Variants in NAAA observed in about 807,000 individuals in gnomAD.
NAAA encodes the protein N-acylethanolamine-hydrolyzing acid amidase.
NAAA carries 39 observed loss-of-function variants against 44.8 expected under a neutral mutation model. The observed-to-expected ratio is 0.87, with a 90% confidence interval of 0.67 to 1.14. The LOEUF is 1.14. Ranked by LOEUF, NAAA falls within the 50% of genes most tolerant of loss-of-function variation. NAAA has a pLI of 0.00. For missense variants in NAAA, 460 were observed against 467.8 expected (o/e 0.98, Z 0.15); for synonymous variants, 178 against 191.3 (o/e 0.93, Z 0.58).
chr4:75,915,066 C>A, intron 9 of NAAA, 81 bp from the exon 10 acceptor site: 1 of 1,041,854 alleles, frequency 9.6e-7, no homozygotes, highest in Non-Finnish European at 1.5e-6. Flanking sequence ...AAGTGCTTCC[C>A]TAACACTTGA....
chr4:75,915,716 A>G (rs1468942828), intron 9 of NAAA, among the ~76,000 whole-genome samples: 1 of 152,154 alleles, frequency 6.6e-6, no homozygotes, highest in Non-Finnish European at 1.5e-5. Flanking sequence ...TATCACAACT[A>G]GAGGAATTCC....
Position 75,921,223 on chromosome 4 carries a change from T to C in NAAA, c.667-100A>G, listed in dbSNP as rs541957060. Reference sequence around the variant, plus strand: ...CAAAGCACATTCTCCTGATATGTTATGTCATGACTATCACCTTGATCTGCT... The same window carrying C: ...CAAAGCACATTCTCCTGATATGTTACGTCATGACTATCACCTTGATCTGCT... On this transcript the variant is annotated intron_variant, in intron 5 of 10. Coordinates refer to ENST00000286733, the MANE Select transcript of NAAA (RefSeq NM_014435.4). The C allele has an allele frequency of 1.3e-4, 144 of 1,103,126 alleles. 1 individual carries two copies. In the South Asian group the frequency reaches 2.2e-3, roughly 17 times the overall value. 68.3% of individuals were successfully genotyped at this position (1,103,126 alleles called of 1,614,324 possible).
At chr4:75,925,613 GA>G in intron 5 of NAAA, 121 bp downstream of exon 5, 3 of 876,172 alleles carry the variant, frequency 3.4e-6, no homozygotes, top group Non-Finnish European at 5.5e-6. Context: ...GCACTTTGCA[GA>G]CATTTAGATG....
At chr4:75,924,348 T>C (rs979739166) in intron 5 of NAAA, among the ~76,000 whole-genome samples, 12 of 152,238 alleles carry the variant, frequency 7.9e-5, no homozygotes, top group African/African-American at 2.9e-4. Context: ...AGCACTGAGA[T>C]GCGTAACAGT....
rs767482121 is a variant in NAAA, at chr4:75,940,180, C to A, written c.207-15G>T. 1.4e-5 allele frequency: 22 copies of A among 1,610,380 alleles called. No homozygotes were observed. The Middle Eastern group carries it at 5.0e-4, about 36-fold the overall frequency. On this transcript the variant is annotated splice_polypyrimidine_tract_variant and intron_variant, in intron 1 of 10. Coordinates refer to ENST00000286733, the MANE Select transcript of NAAA (RefSeq NM_014435.4). Reference sequence around the variant, plus strand: ...GGACTCTGTCCCTAGAAACAAAAAGCACAAGGGCGTCTGACCCGCTCAGAG... The same window carrying A: ...GGACTCTGTCCCTAGAAACAAAAAGAACAAGGGCGTCTGACCCGCTCAGAG...
chr4:75,913,580 A>C, downstream of NAAA: 1 of 692,000 alleles, frequency 1.4e-6, no homozygotes, highest in Non-Finnish European at 1.8e-6. Context: ...ATCACAACTA[A>C]GAGAGTTGCT....
rs77185391 is a variant in NAAA, at chr4:75,920,025, G to T, written c.903-50C>A. 49 of 1,510,968 alleles carry T rather than the reference G, an allele frequency of 3.2e-5. No individual in the cohort carries two copies. The East Asian group carries it at 9.9e-4, about 31-fold the overall frequency. The allele number at this position is 1,510,968 out of a possible 1,614,324, so 93.6% of individuals were successfully genotyped here. ...ACTTGGCATTTCAACAAGCACTGAA[G>T]CCCATCAGCTGTCATTTTTGGGAGG... On this transcript the variant is annotated intron_variant, in intron 7 of 10. Transcript: ENST00000286733.
At chr4:75,916,885 T>A (rs912210478) in intron 9 of NAAA, 8 of 150,378 alleles carry the variant, frequency 5.3e-5, no homozygotes, top group African/African-American at 2.0e-4. Context: ...ATTCGAGTGA[T>A]TTTCCTGCCT....
chr4:75,925,761 T>C lies in NAAA; in HGVS notation c.640A>G (p.Ile214Val). 6.2e-7 allele frequency: 1 copy of C among 1,614,220 alleles called. No homozygotes were observed. The change falls in exon 5 of 11, where the codon ATT becomes GTT. Residue 214 changes from isoleucine to valine, a missense_variant. Coordinates refer to ENST00000286733, the MANE Select transcript of NAAA (RefSeq NM_014435.4). ...NAIAALFRRH[I>V]PVSWLIRATL... Reference sequence around the variant, plus strand: ...GCGCGGATCAGCCAGCTGACGGGAATGTGTCTCCGAAACAGGGCAGCGATA... The same window carrying C: ...GCGCGGATCAGCCAGCTGACGGGAACGTGTCTCCGAAACAGGGCAGCGATA...
upstream of NAAA, chr4:75,941,013 TGGA>T (rs1419882996): frequency 7.9e-6 from 11 of 1,396,038 alleles, no homozygotes; most frequent in Admixed American, 3.2e-5. Flanking sequence ...GGGTAAGCCG[TGGA>T]GGAGGAGGAG....
rs761461684 is a variant in NAAA, at chr4:75,940,810, C to T, written c.140G>A (p.Arg47His). ...GTAGTGCCGCAGCACGGGCAGCCAG[C>T]GCAGCTCGGGGACCGAGTCCAGGCT... ...NVSLDSVPEL[R>H]WLPVLRHYDL... Residue 47 changes from arginine (R) to histidine (H), a missense_variant, in exon 1 of 11, where the codon CGC (arginine) becomes CAC (histidine). Coordinates refer to ENST00000286733, the MANE Select transcript of NAAA (RefSeq NM_014435.4). The T allele has an allele frequency of 2.5e-6, 4 of 1,598,484 alleles. No homozygotes were observed. Among genetic ancestry groups the T allele is most frequent in the African/African-American group, 2.7e-5 (2 of 74,568 alleles).
intron 10 of NAAA, 40 bp from the exon 11 acceptor site, chr4:75,914,378 ATTTTT>A: frequency 1.4e-6 from 1 of 723,314 alleles, no homozygotes; most frequent in Non-Finnish European, 1.7e-6. Flanking sequence ...TCAAAGACTG[ATTTTT>A]TTTTTTTTTT....
In NAAA at chr4:75,919,841, T is replaced by C. The variant is rs76553712; in HGVS notation, c.969+68A>G. 1.3e-3 allele frequency: 1,864 copies of C among 1,418,328 alleles called. 19 individuals carry two copies. In the African/African-American group the frequency reaches 0.024, roughly 18 times the overall value. The allele number at this position is 1,418,328 out of a possible 1,614,324, so 87.9% of individuals were successfully genotyped here. A position where few individuals can be genotyped will look rare whatever the true frequency, so the allele number is the denominator to read the frequency against. On this transcript the variant is annotated intron_variant, in intron 8 of 10. Coordinates refer to ENST00000286733, the MANE Select transcript of NAAA (RefSeq NM_014435.4). The stretch of plus-strand genomic sequence containing the variant: ...TCATCTACCAGAAGATTTCACGGAG[T>C]TTTTCATATTCACTATTAACAAAAC...
rs751253908 is a variant in NAAA at position 75,918,783 on chromosome 4, A to G, written c.976T>C (p.Ser326Pro). Residue 326 changes from serine to proline, a missense_variant, in exon 9 of 11, where the codon TCG (serine) becomes CCG (proline). Ser to Pro is a moderately conservative substitution (Grantham distance 74, BLOSUM62 -1). Transcript: ENST00000286733. ...LSLEALFQILSVVPVYNNFTI... is the reference protein window; with the variant it reads ...LSLEALFQILPVVPVYNNFTI... ...TACTTGTTATAAACTGGAACCACCG[A>G]CAAAATCTGCATAGGAAAAAGTCAT... The G allele has an allele frequency of 1.4e-5, 22 of 1,612,796 alleles. No individual in the cohort carries two copies. Among genetic ancestry groups the G allele is most frequent in the Non-Finnish European group, 3.4e-6 (4 of 1,179,050 alleles).
Position 75,940,974 on chromosome 4 carries a change from T to C in NAAA, c.-25A>G, listed in dbSNP as rs748786300. The C allele has an allele frequency of 1.8e-4, 264 of 1,453,816 alleles. 1 individual carries two copies. The highest frequency in any genetic ancestry group is 2.3e-4 in the Non-Finnish European group (256 of 1,113,674). 90.1% of individuals were successfully genotyped at this position (1,453,816 alleles called of 1,614,324 possible). On this transcript the variant is annotated 5_prime_UTR_variant, in exon 1 of 11. Coordinates refer to ENST00000286733, the MANE Select transcript of NAAA (RefSeq NM_014435.4). ...TGGCTCGGGCTCCAGCGGCCGCAAC[T>C]TGGAGACCTGCAGCCGCTGTCGGAG...
At chr4:75,914,403 C>G in intron 10 of NAAA, 65 bp from the exon 11 acceptor site, 1 of 703,600 alleles carries the variant, frequency 1.4e-6, no homozygotes, top group Non-Finnish European at 1.7e-6. Flanking sequence ...TTAATGGAGT[C>G]TCACTCTGTT....
intron 3 of NAAA, among the ~76,000 whole-genome samples, chr4:75,932,153 C>T (rs533558294): frequency 8.9e-4 from 136 of 152,268 alleles, no homozygotes; most frequent in African/African-American, 3.2e-3. Flanking sequence ...CACTTGAACC[C>T]GGGAGGCGGA....
intron 5 of NAAA, 61 bp downstream of exon 5, chr4:75,925,672 GAC>G (rs1560508310): frequency 6.7e-7 from 1 of 1,482,432 alleles, no homozygotes; most frequent in African/African-American, 1.4e-5. Context: ...ATTGTTAAAT[GAC>G]ACAGAACAGT....
intron 5 of NAAA, among the ~76,000 whole-genome samples, chr4:75,923,415 T>C (rs1336003483): frequency 6.6e-6 from 1 of 151,996 alleles, no homozygotes; most frequent in Non-Finnish European, 1.5e-5. Flanking sequence ...GCCTGAAAAA[T>C]CGAGCTGCAA....
Sources: allele counts gnomAD v4.1 joint callset (sites outside exome capture counted in the v4.1 genomes callset), GRCh38; gene constraint gnomAD v4.1.1; transcripts MANE v1.5; gene names NCBI Gene and HGNC (gene_info 2026-07-23, HGNC 2026-07-21).